Variants in DNAH5 observed in about 807,000 individuals in gnomAD.
DNAH5 encodes dynein axonemal heavy chain 5, also known as axonemal beta dynein heavy chain 5.
DNAH5 carries 372 observed loss-of-function variants against 518.2 expected under a neutral mutation model. The ratio of observed to expected loss-of-function variants is 0.72; its 90% confidence interval spans 0.66 to 0.78. DNAH5 has a LOEUF of 0.78. Ranked by LOEUF, DNAH5 falls within the 30% of genes least tolerant of loss-of-function variation. The pLI is 0.00. For missense variants in DNAH5, 5,523 were observed against 5,687.0 expected, an observed-to-expected ratio of 0.97 and a Z score of 0.93; for synonymous variants, 2,039 against 2,025.9, an observed-to-expected ratio of 1.01 and a Z score of -0.17.
intron 40 of DNAH5, 92 bp downstream of exon 40, chr5:13,823,171 T>G (rs1467560439): frequency 1.2e-6 from 1 of 862,648 alleles, no homozygotes; most frequent in African/African-American, 1.6e-5. Context: ...CTGCTCAGAG[T>G]GCATAGGTTG....
chr5:13,784,525 C>G (rs894125075), intron 52 of DNAH5, among the ~76,000 whole-genome samples: 19 of 152,248 alleles, frequency 1.2e-4, no homozygotes, highest in African/African-American at 4.6e-4. Flanking sequence ...CTTACTCCAG[C>G]CTTGCAGAAA....
intron 25 of DNAH5, among the ~76,000 whole-genome samples, chr5:13,866,832 A>T (rs1769326701): frequency 6.6e-6 from 1 of 152,048 alleles, no homozygotes; most frequent in African/African-American, 2.4e-5. Context: ...TTTACCCTAA[A>T]CTCTATATAT....
intron 43 of DNAH5, 38 bp from the exon 44 acceptor site, chr5:13,811,861 T>C: frequency 1.2e-6 from 2 of 1,604,988 alleles, no homozygotes; most frequent in Non-Finnish European, 1.7e-6. Context: ...TGAAACTTAT[T>C]AGCACACTAG....
chr5:13,955,886 T>A (rs1247495212), intron 1 of DNAH5, among the ~76,000 whole-genome samples: 1 of 152,166 alleles, frequency 6.6e-6, no homozygotes, highest in Non-Finnish European at 1.5e-5. Flanking sequence ...AAACTCTTAT[T>A]TCAATATTAA....
intron 29 of DNAH5, 34 bp from the exon 30 acceptor site, chr5:13,859,639 G>T: frequency 1.2e-6 from 2 of 1,601,602 alleles, no homozygotes; most frequent in Non-Finnish European, 1.7e-6. Flanking sequence ...GTTTGGTTTT[G>T]TTTTTGTTGT....
At chr5:13,998,856 T>C (rs962510302) in intron 1 of DNAH5, among the ~76,000 whole-genome samples, 3 of 152,198 alleles carry the variant, frequency 2.0e-5, no homozygotes, top group Non-Finnish European at 4.4e-5. Flanking sequence ...TCTTTTCTTT[T>C]TTCCCCATGG....
At chr5:13,901,595 A>C (rs754594451) in intron 13 of DNAH5, 22 bp from the exon 14 acceptor site, 1 of 1,498,114 alleles carries the variant, frequency 6.7e-7, no homozygotes, top group South Asian at 1.2e-5. Flanking sequence ...AAAAAGTTAA[A>C]AGCTTGAATT....
At chr5:14,000,871 T>G (rs970823661) in intron 1 of DNAH5, among the ~76,000 whole-genome samples, 1 of 152,126 alleles carries the variant, frequency 6.6e-6, no homozygotes, top group Non-Finnish European at 1.5e-5. Context: ...GGATTCACAA[T>G]AGCAAAGACA....
At chr5:13,816,436 T>C (rs1761448679) in intron 42 of DNAH5, among the ~76,000 whole-genome samples, 1 of 151,996 alleles carries the variant, frequency 6.6e-6, no homozygotes, top group Admixed American at 6.6e-5. Flanking sequence ...TAAAATAAAA[T>C]GCTTTGAAAA....
At chr5:13,938,549 A>G (rs112518290) in intron 1 of DNAH5, among the ~76,000 whole-genome samples, 1 of 150,332 alleles carries the variant, frequency 6.7e-6, no homozygotes, top group African/African-American at 2.5e-5. Flanking sequence ...TGTATATATA[A>G]AAAATGTAAA....
chr5:13,704,850 G>T (rs1742571100), intron 76 of DNAH5, among the ~76,000 whole-genome samples: 2 of 152,188 alleles, frequency 1.3e-5, no homozygotes, highest in Admixed American at 1.3e-4. Context: ...TAGAATGGTG[G>T]TTACCAGAGA....
At chr5:13,954,213 T>C (rs1780614900) in intron 1 of DNAH5, among the ~76,000 whole-genome samples, 1 of 152,220 alleles carries the variant, frequency 6.6e-6, no homozygotes, top group Non-Finnish European at 1.5e-5. Flanking sequence ...GCTTCCCTGA[T>C]ATACCCTGCA....
At chr5:13,981,500 T>C (rs1232697901) in intron 1 of DNAH5, among the ~76,000 whole-genome samples, 3 of 152,140 alleles carry the variant, frequency 2.0e-5, no homozygotes, top group Non-Finnish European at 4.4e-5. Context: ...TCTCTCCCCA[T>C]CCCTTGCCTG....
intron 1 of DNAH5, among the ~76,000 whole-genome samples, chr5:13,981,543 G>A (rs890824251): frequency 1.3e-5 from 2 of 152,154 alleles, no homozygotes; most frequent in East Asian, 3.9e-4. Context: ...ATTTTTTGAT[G>A]TGGCACTATG....
intron 75 of DNAH5, among the ~76,000 whole-genome samples, chr5:13,709,010 T>C (rs1019590664): frequency 1.3e-5 from 2 of 152,168 alleles, no homozygotes; most frequent in African/African-American, 4.8e-5. Context: ...TTTCAACCCC[T>C]GTTAGACACG....
intron 24 of DNAH5, among the ~76,000 whole-genome samples, chr5:13,869,323 A>G (rs553612392): frequency 0.048 from 1,460 of 30,648 alleles, 23 homozygotes; most frequent in African/African-American, 0.15. Flanking sequence ...TTACAACTGG[A>G]GTTTTTTTTA....
At position 13,729,472 on chromosome 5, in the gene DNAH5, G is replaced by T. The variant is rs778951473; in HGVS notation, c.11850C>A (p.Ser3950Arg). The T allele has an allele frequency of 1.2e-6, 2 of 1,613,876 alleles. No homozygotes were observed. The highest frequency in any genetic ancestry group is 2.7e-5 in the African/African-American group (2 of 74,916). ...GGACATCTGAAAACTGTCTGAGTTT[G>T]CTAAGTTCCACCAAATTCAGCCATG... ...DITWLNLVEL[S>R]KLRQFSDVLD... Residue 3950 changes from serine (S) to arginine (R), a missense_variant, in exon 69 of 79, where the codon AGC becomes AGA. By Grantham distance (110) the Ser-to-Arg change is moderately radical. Around this residue, in one of 3 missense-constraint regions of DNAH5, gnomAD observed 5,121 missense variants for 5,223.3 expected, o/e 0.98. Transcript: ENST00000265104.
intron 55 of DNAH5, among the ~76,000 whole-genome samples, chr5:13,775,095 A>G (rs978030531): frequency 5.7e-5 from 7 of 123,702 alleles, no homozygotes; most frequent in African/African-American, 2.1e-4. Flanking sequence ...CCTTCCTTTC[A>G]TCAGTGACTT....
At chr5:13,838,516 G>A (rs1764714686) in intron 35 of DNAH5, among the ~76,000 whole-genome samples, 1 of 152,080 alleles carries the variant, frequency 6.6e-6, no homozygotes, top group Non-Finnish European at 1.5e-5. Flanking sequence ...GCATGTGAGG[G>A]ATCTAGGTTG....
Sources: allele counts gnomAD v4.1 joint callset (sites outside exome capture counted in the v4.1 genomes callset), GRCh38; gene constraint gnomAD v4.1.1; regional missense constraint gnomAD v4.1.1; transcripts MANE v1.5; gene names NCBI Gene and HGNC (gene_info 2026-07-23, HGNC 2026-07-21).